Variants in RANBP17 observed in about 807,000 individuals in gnomAD.
RANBP17 encodes RAN binding protein 17.
In RANBP17, 158 loss-of-function variants were observed where a neutral mutation model predicts 141.2. The ratio of observed to expected loss-of-function variants is 1.12; its 90% CI spans 0.98 to 1.28. RANBP17 has a LOEUF of 1.28. Among genes scored for constraint, RANBP17 ranks in the 50% most tolerant of loss-of-function variants. RANBP17 has a pLI of 0.00. For missense variants in RANBP17, 1,438 were observed against 1,290.7 expected, an observed-to-expected ratio of 1.11 and a Z score of -1.75; for synonymous variants, 430 against 450.0, an observed-to-expected ratio of 0.96 and a Z score of 0.56.
intron 25 of RANBP17, among the ~76,000 whole-genome samples, chr5:171,274,184 G>A (rs1395055063): frequency 6.6e-6 from 1 of 151,436 alleles, no homozygotes; most frequent in East Asian, 2.0e-4. Flanking sequence ...TCTAACTACT[G>A]AGGATCAAAA....
intron 16 of RANBP17, among the ~76,000 whole-genome samples, chr5:171,177,205 A>T (rs953752240): frequency 6.6e-6 from 1 of 152,068 alleles, no homozygotes; most frequent in Non-Finnish European, 1.5e-5. Flanking sequence ...CCCATAATTT[A>T]TCTCCTCTGT....
At chr5:171,216,100 A>G (rs1396061982) in intron 21 of RANBP17, among the ~76,000 whole-genome samples, 1 of 152,126 alleles carries the variant, frequency 6.6e-6, no homozygotes, top group Non-Finnish European at 1.5e-5. Context: ...TAAGGGGTCC[A>G]GTTTCAGTTT....
At chr5:171,217,290 T>A (rs1008268231) in intron 21 of RANBP17, among the ~76,000 whole-genome samples, 3 of 152,222 alleles carry the variant, frequency 2.0e-5, no homozygotes, top group Non-Finnish European at 1.5e-5. Flanking sequence ...AGCTTTTTAA[T>A]GTGCTGCTGG....
chr5:170,969,034 AGTTT>A (rs1270832525), intron 14 of RANBP17, among the ~76,000 whole-genome samples: 2 of 151,844 alleles, frequency 1.3e-5, no homozygotes, highest in Non-Finnish European at 3.0e-5. Flanking sequence ...ATTTGAACTT[AGTTT>A]GTTTTAGTGA....
At chr5:171,089,932 A>G (rs549060645) in intron 14 of RANBP17, among the ~76,000 whole-genome samples, 19 of 152,044 alleles carry the variant, frequency 1.2e-4, no homozygotes, top group Admixed American at 4.6e-4. Flanking sequence ...CGTCGCTCAC[A>G]CTGGGAGCTG....
intron 25 of RANBP17, among the ~76,000 whole-genome samples, chr5:171,270,302 A>T (rs1281066654): frequency 6.6e-6 from 1 of 152,238 alleles, no homozygotes; most frequent in African/African-American, 2.4e-5. Context: ...TTTAGTCCAT[A>T]TGAAGATCCA....
chr5:171,276,600 C>A (rs899567121), intron 25 of RANBP17, among the ~76,000 whole-genome samples: 2 of 152,146 alleles, frequency 1.3e-5, no homozygotes, highest in African/African-American at 4.8e-5. Flanking sequence ...GGACTGTAAT[C>A]TGTCATCTCT....
chr5:171,126,373 A>G (rs187443050), intron 14 of RANBP17, among the ~76,000 whole-genome samples: 1 of 152,334 alleles, frequency 6.6e-6, no homozygotes, highest in East Asian at 1.9e-4. Context: ...AAAAGTAGAA[A>G]GATTTCAAAT....
At chr5:171,068,569 T>TTTGTTGTTGTTGTTGTTGTTG (rs35125398) in intron 14 of RANBP17, among the ~76,000 whole-genome samples, 1 of 148,926 alleles carries the variant, frequency 6.7e-6, no homozygotes, top group African/African-American at 2.5e-5. Flanking sequence ...TTACTTTCCT[T>TTTGTTGTTGTTGTTGTTGTTG]TTGTTGTTGT....
chr5:171,091,316 C>T (rs770224389), intron 14 of RANBP17, among the ~76,000 whole-genome samples: 8 of 152,148 alleles, frequency 5.3e-5, no homozygotes, highest in Non-Finnish European at 1.2e-4. Context: ...TTGCATGGGG[C>T]GTTTAGCCCG....
At chr5:170,995,831 T>G (rs1205793216) in intron 14 of RANBP17, among the ~76,000 whole-genome samples, 1 of 152,148 alleles carries the variant, frequency 6.6e-6, no homozygotes, top group Admixed American at 6.6e-5. Context: ...TATAAATGTT[T>G]TTAAACATCA....
chr5:171,145,431 A>G (rs1004607446), intron 14 of RANBP17, among the ~76,000 whole-genome samples: 1 of 152,186 alleles, frequency 6.6e-6, no homozygotes. Context: ...GAGAAGCAGA[A>G]ACTTTTCTTT....
intron 14 of RANBP17, among the ~76,000 whole-genome samples, chr5:171,010,287 C>A (rs572808644): frequency 6.6e-6 from 1 of 152,144 alleles, no homozygotes; most frequent in African/African-American, 2.4e-5. Flanking sequence ...AGGCTTGCTA[C>A]GGAAAACCTG....
At chr5:171,291,481 GTACCAAA>G (rs2128043837) in intron 25 of RANBP17, among the ~76,000 whole-genome samples, 1 of 152,306 alleles carries the variant, frequency 6.6e-6, no homozygotes, top group East Asian at 1.9e-4. Flanking sequence ...GCCATTCCTT[GTACCAAA>G]TACTGATGGT....
At chr5:171,105,239 G>A (rs376655319) in intron 14 of RANBP17, among the ~76,000 whole-genome samples, 42 of 150,284 alleles carry the variant, frequency 2.8e-4, no homozygotes, top group Admixed American at 8.0e-4. Context: ...AAAATTAGCC[G>A]GGCGTAGTGG....
chr5:171,153,146 A>C (rs1758609753), intron 14 of RANBP17, among the ~76,000 whole-genome samples: 1 of 152,272 alleles, frequency 6.6e-6, no homozygotes, highest in Admixed American at 6.5e-5. Flanking sequence ...TTGATTGGAT[A>C]TTGATTAGAG....
At position 171,028,715 on chromosome 5, in the gene RANBP17, C is replaced by T. The variant is rs546131338; in HGVS notation, c.1710+60338C>T. Among the ~76,000 whole-genome samples the T allele has an allele frequency of 5.3e-5, 8 of 152,298 alleles. No individual in the cohort carries two copies. In the South Asian group the frequency reaches 1.7e-3, roughly 32 times the overall value. ...TTTTGATACCTTGATACCTTTGTCT[C>T]TTCCAACTTTTGCAGAGACTTTCCT... On this transcript the variant is annotated intron_variant, in intron 14 of 27. Coordinates refer to ENST00000523189, the MANE Select transcript of RANBP17 (RefSeq NM_022897.5).
intron 22 of RANBP17, among the ~76,000 whole-genome samples, chr5:171,226,438 A>G (rs1467957128): frequency 1.3e-5 from 2 of 152,342 alleles, no homozygotes; most frequent in African/African-American, 4.8e-5. Context: ...TTAAAAATGG[A>G]TAGTACAAGC....
At chr5:171,203,085 G>A (rs111951735) in intron 19 of RANBP17, among the ~76,000 whole-genome samples, 120 of 152,144 alleles carry the variant, frequency 7.9e-4, no homozygotes, top group African/African-American at 2.8e-3. Flanking sequence ...AATCCATAGG[G>A]TTAGATCTCC....
Sources: gnomAD v4.1 joint callset for allele counts (sites outside exome capture counted in the v4.1 genomes callset) on GRCh38, gnomAD v4.1.1 for gene constraint, MANE v1.5 for transcripts, NCBI Gene and HGNC (gene_info 2026-07-23, HGNC 2026-07-21) for gene names.